APH1B: variants seen among roughly 807,000 people sequenced by gnomAD.
APH1B encodes gamma-secretase subunit APH-1B.
A neutral mutation model predicts 28.2 loss-of-function variants in APH1B; 27 were observed. The ratio of observed to expected loss-of-function variants is 0.96; its 90% CI spans 0.70 to 1.32. The LOEUF is 1.32. Ranked by LOEUF, APH1B falls within the 40% of genes most tolerant of loss-of-function variation. The pLI, the probability that APH1B is intolerant of heterozygous loss-of-function variation, is 0.00. For missense variants in APH1B, 305 were observed against 313.6 expected, an observed-to-expected ratio of 0.97 and a Z score of 0.21; for synonymous variants, 141 against 124.6, an observed-to-expected ratio of 1.13 and a Z score of -0.88.
intron 5 of APH1B, among the ~76,000 whole-genome samples, chr15:63,303,680 A>G (rs1333365706): frequency 2.6e-5 from 4 of 151,974 alleles, no homozygotes; most frequent in Admixed American, 6.6e-5. Flanking sequence ...ATTTTTTTGT[A>G]GAGATGAGCT....
intron 4 of APH1B, among the ~76,000 whole-genome samples, chr15:63,297,652 C>G (rs916889122): frequency 1.3e-5 from 2 of 152,194 alleles, no homozygotes; most frequent in Non-Finnish European, 2.9e-5. Context: ...AAAGGTTGTA[C>G]TCTAGAGATA....
At chr15:63,278,496 A>G (rs1312153992) in intron 1 of APH1B, 3 of 376,424 alleles carry the variant, frequency 8.0e-6, no homozygotes, top group Non-Finnish European at 1.6e-5. Context: ...TTCACCTCCC[A>G]CAAACGTATT....
intron 2 of APH1B, among the ~76,000 whole-genome samples, chr15:63,281,319 G>A (rs1021925491): frequency 6.6e-6 from 1 of 151,950 alleles, no homozygotes; most frequent in African/African-American, 2.4e-5. Flanking sequence ...CAAAAGAAAG[G>A]CTGTTTGTTC....
intron 4 of APH1B, among the ~76,000 whole-genome samples, chr15:63,293,498 CTTT>C (rs1284708232): frequency 1.6e-5 from 2 of 126,736 alleles, no homozygotes; most frequent in African/African-American, 5.6e-5. Flanking sequence ...TCTTCTTCTT[CTTT>C]TTTTTTTTTT....
intron 4 of APH1B, among the ~76,000 whole-genome samples, chr15:63,300,559 C>A (rs1044627865): frequency 2.0e-4 from 30 of 152,208 alleles, no homozygotes; most frequent in African/African-American, 7.2e-4. Flanking sequence ...CAGCTCCCCG[C>A]CGTCACCAAG....
At chr15:63,294,808 C>T (rs539526882) in intron 4 of APH1B, among the ~76,000 whole-genome samples, 1 of 152,254 alleles carries the variant, frequency 6.6e-6, no homozygotes, top group African/African-American at 2.4e-5. Context: ...TCCTTTGTTT[C>T]GGGTGGTAAG....
rs1004595381 is a variant in APH1B, at chr15:63,304,880, G to A, written c.607-734G>A. 6.6e-6 allele frequency among the ~76,000 whole-genome samples: 1 copy of A among 152,218 alleles called. No homozygotes were observed. Among genetic ancestry groups the A allele is most frequent in the Non-Finnish European group, 1.5e-5 (1 of 68,034 alleles). ...CTAGAAAATGCTCAATGCCTGCCAT[G>A]CCCACGGAGGCCTCTTGAGAAGAGC... On this transcript the variant is annotated intron_variant, in intron 5 of 5. Coordinates refer to ENST00000261879, the MANE Select transcript of APH1B (RefSeq NM_031301.4). The surrounding 1 kb of genome is among the most constrained non-coding windows in gnomAD (Gnocchi z 5.1).
chr15:63,287,568 A>G (rs1388965044), intron 4 of APH1B, 22 bp downstream of exon 4: 3 of 1,611,178 alleles, frequency 1.9e-6, no homozygotes, highest in Non-Finnish European at 8.5e-7. Context: ...ATAGCTGTCA[A>G]CATTCAGGCT....
chr15:63,280,973 A>T (rs1181672618), intron 2 of APH1B, among the ~76,000 whole-genome samples: 3 of 152,114 alleles, frequency 2.0e-5, no homozygotes, highest in Admixed American at 1.3e-4. Context: ...ACATGGCAAA[A>T]CCCTGTCTCT....
intron 4 of APH1B, among the ~76,000 whole-genome samples, chr15:63,294,332 C>T (rs1160460334): frequency 6.6e-6 from 1 of 152,182 alleles, no homozygotes; most frequent in Admixed American, 6.5e-5. Flanking sequence ...CTCAGTCTAG[C>T]CCCGCCCCCC....
rs367954780 is a variant in APH1B at position 63,292,822 on chromosome 15, T to C, written c.478+5276T>C. Among the ~76,000 whole-genome samples, 7 of 152,380 alleles carry C rather than the reference T, an allele frequency of 4.6e-5. No homozygotes were observed. The South Asian group carries it at 8.3e-4, about 18-fold the overall frequency. On this transcript the variant is annotated intron_variant, in intron 4 of 5. Coordinates refer to ENST00000261879, the MANE Select transcript of APH1B (RefSeq NM_031301.4). The stretch of plus-strand genomic sequence containing the variant: ...TATCATAGTCTCTAGTAGCTTGTGA[T>C]ACATTATGAAATGCACACATCACAG...
chr15:63,284,186 A>G (rs538046091), intron 2 of APH1B, among the ~76,000 whole-genome samples: 5 of 148,588 alleles, frequency 3.4e-5, no homozygotes, highest in South Asian at 4.2e-4. Context: ...ATTATGAAGT[A>G]TTATATACTG....
chr15:63,301,759 T>C (rs1437313904), intron 4 of APH1B, among the ~76,000 whole-genome samples: 1 of 152,138 alleles, frequency 6.6e-6, no homozygotes, highest in Non-Finnish European at 1.5e-5. Flanking sequence ...ATTACAGGCA[T>C]GTGCCACCAT....
chr15:63,287,566 C>G lies in APH1B; in HGVS notation c.478+20C>G. 1 of 1,611,366 alleles carries G rather than the reference C, an allele frequency of 6.2e-7. No individual in the cohort carries two copies. Among genetic ancestry groups the G allele is most frequent in the Non-Finnish European group, 8.5e-7 (1 of 1,178,464 alleles). On this transcript the variant is annotated intron_variant, in intron 4 of 5. Transcript: ENST00000261879. ...ATTCAGGTATGTGTCTCATAGCTGTCAACATTCAGGCTTCTAGTCTAAATG... is the reference window on the plus strand; with the variant it reads ...ATTCAGGTATGTGTCTCATAGCTGTGAACATTCAGGCTTCTAGTCTAAATG...
At chr15:63,298,494 G>T (rs1013737400) in intron 4 of APH1B, among the ~76,000 whole-genome samples, 1 of 152,152 alleles carries the variant, frequency 6.6e-6, no homozygotes, top group Non-Finnish European at 1.5e-5. Context: ...ATAGGAGTAA[G>T]CCACTGTGCC....
chr15:63,281,691 A>G (rs1036499144), intron 2 of APH1B, among the ~76,000 whole-genome samples: 2 of 151,994 alleles, frequency 1.3e-5, no homozygotes, highest in East Asian at 1.9e-4. Flanking sequence ...TGAAATGGCA[A>G]CATTTTCCTG....
chr15:63,302,517 C>T, intron 5 of APH1B, 45 bp downstream of exon 5: 1 of 1,585,870 alleles, frequency 6.3e-7, no homozygotes, highest in Non-Finnish European at 8.6e-7. Context: ...GAACTCAAGT[C>T]TATGTATCTA....
At position 63,300,283 on chromosome 15, in the gene APH1B, G is replaced by A. The variant is rs77069875; in HGVS notation, c.479-2062G>A. Among the ~76,000 whole-genome samples the A allele has an allele frequency of 6.3e-3, 952 of 152,106 alleles. 7 individuals are homozygous for A. The highest frequency in any genetic ancestry group is 0.018 in the African/African-American group (762 of 41,492). On this transcript the variant is annotated intron_variant, in intron 4 of 5. Coordinates refer to ENST00000261879, the MANE Select transcript of APH1B (RefSeq NM_031301.4). ...AAAACAAGAACTAAGGACCTTTCCC[G>A]GTTATTTCATCAGGGCTGCCCTGGT...
At position 63,306,577 on chromosome 15, in the gene APH1B, G is replaced by A. The variant is rs1245744431; in HGVS notation, c.*796G>A. 1 of 152,210 alleles carries A rather than the reference G, an allele frequency of 6.6e-6. No homozygotes were observed. The highest frequency in any genetic ancestry group is 1.5e-5 in the Non-Finnish European group (1 of 68,046). 9.4% of individuals were successfully genotyped at this position (152,210 alleles called of 1,614,324 possible). ...TAAGCCTGTTTAAAGCTTTCCATGG[G>A]CTCTGCCCCAAGGCCGTTGGCTGCA... On this transcript the variant is annotated 3_prime_UTR_variant, in exon 6 of 6. Coordinates refer to ENST00000261879, the MANE Select transcript of APH1B (RefSeq NM_031301.4).
Sources: gnomAD v4.1 joint callset for allele counts (sites outside exome capture counted in the v4.1 genomes callset) on GRCh38, gnomAD v4.1.1 for gene constraint, Gnocchi (gnomAD v3.1) non-coding constraint, MANE v1.5 for transcripts, NCBI Gene and HGNC (gene_info 2026-07-23, HGNC 2026-07-21) for gene names.